SETX: variants seen among roughly 807,000 people sequenced by gnomAD.
SETX encodes senataxin, also known as helicase senataxin.
A neutral mutation model predicts 227.2 loss-of-function variants in SETX; 90 were observed. The observed-to-expected ratio is 0.40, with a 90% CI of 0.33 to 0.47. The LOEUF is 0.47. Ranked by LOEUF, SETX falls within the 20% of genes least tolerant of loss-of-function variation. The pLI is 0.91. For missense variants in SETX, 3,052 were observed against 3,181.5 expected, an observed-to-expected ratio of 0.96 and a Z score of 0.98; for synonymous variants, 1,210 against 1,113.2, an observed-to-expected ratio of 1.09 and a Z score of -1.73.
In SETX at chr9:132,269,796, G is replaced by A. The variant is rs1272537768; in HGVS notation, c.7200-94C>T. 23 of 1,231,042 alleles carry A rather than the reference G, an allele frequency of 1.9e-5. No individual in the cohort carries two copies. In the East Asian group the frequency reaches 3.6e-4, roughly 19 times the overall value. 76.3% of individuals were successfully genotyped at this position (1,231,042 alleles called of 1,614,324 possible). ...GACTCTAGAATGACTCAACGTGCCC[G>A]TGTCTGACAGAGGTGGAATCTTGAA... On this transcript the variant is annotated intron_variant, in intron 24 of 25. Transcript: ENST00000224140.
At chr9:132,306,695 T>G (rs1845354449) in intron 11 of SETX, among the ~76,000 whole-genome samples, 1 of 152,218 alleles carries the variant, frequency 6.6e-6, no homozygotes. Context: ...ATACTCTAGT[T>G]CTATCAGTTT....
intron 23 of SETX, among the ~76,000 whole-genome samples, chr9:132,273,164 G>T (rs199971246): frequency 0.074 from 11,030 of 149,372 alleles, 786 homozygotes; most frequent in East Asian, 0.38. Context: ...TATTTAGGTG[G>T]TTTTTTTTTT....
chr9:132,284,835 AC>A (rs1304117317), intron 18 of SETX, among the ~76,000 whole-genome samples: 2 of 148,500 alleles, frequency 1.3e-5, no homozygotes, highest in Non-Finnish European at 3.0e-5. Flanking sequence ...CATACAGGTG[AC>A]TTTTTTTTTT....
rs1290355149 is a variant in SETX at position 132,326,336 on chromosome 9, A to G, written c.5262T>C (p.Asn1754=). The change falls in exon 10 of 26, where the codon AAT becomes AAC. Residue 1754 remains asparagine, a synonymous_variant. Transcript: ENST00000224140. ...AACACATACTTACTGTTTCAAAAGT[A>G]TTCAATACCATCAAAGGGAAAAAAA... is the stretch of plus-strand genomic sequence containing the variant. ...FNVFFPLMVL[N]TFETVAQEWL... is the part of the protein sequence containing the mutation. 1.9e-6 allele frequency: 3 copies of G among 1,606,346 alleles called. No homozygotes were observed. Among genetic ancestry groups the G allele is most frequent in the Non-Finnish European group, 2.6e-6 (3 of 1,174,038 alleles).
intron 11 of SETX, among the ~76,000 whole-genome samples, chr9:132,307,132 G>C (rs763470592): frequency 1.6e-4 from 24 of 152,140 alleles, no homozygotes; most frequent in Non-Finnish European, 3.2e-4. Context: ...GTGAGCACCT[G>C]TAATCCCAGC....
At chr9:132,293,972 C>T (rs1168922154) in intron 15 of SETX, among the ~76,000 whole-genome samples, 4 of 151,980 alleles carry the variant, frequency 2.6e-5, no homozygotes, top group Admixed American at 1.3e-4. Context: ...TGCAGTGAGC[C>T]GAGATCGCGC....
rs1242180690 is a variant in SETX, at chr9:132,338,504, AG to A, written c.499-1990del. ...TTAAAGAGGACTAAATGGACGTGAC[AG>A]CTAAATAAGACCTTTTACCAGCAAT... On this transcript the variant is annotated intron_variant, in intron 5 of 25. Coordinates refer to ENST00000224140, the MANE Select transcript of SETX (RefSeq NM_015046.7). Among the ~76,000 whole-genome samples the A allele has an allele frequency of 7.2e-5, 11 of 152,344 alleles. 1 individual carries two copies. The East Asian group carries it at 2.1e-3, about 29-fold the overall frequency.
chr9:132,349,722 G>A (rs534707725), intron 2 of SETX, among the ~76,000 whole-genome samples: 11 of 152,276 alleles, frequency 7.2e-5, no homozygotes, highest in East Asian at 1.9e-4. Context: ...ACACAGTACC[G>A]ATAGAAAATA....
In SETX at chr9:132,262,014, A is replaced by G. The variant is rs546310258; in HGVS notation, c.*2225T>C. ...TTGGCAAATACTTGTACCAACTGGA[A>G]CGAGTGAAGTTTCAAAAGTAATGTG... On this transcript the variant is annotated 3_prime_UTR_variant, in exon 26 of 26. Coordinates refer to ENST00000224140, the MANE Select transcript of SETX (RefSeq NM_015046.7). 1 of 154,226 alleles carries G rather than the reference A, an allele frequency of 6.5e-6. No individual in the cohort carries two copies. Among genetic ancestry groups the G allele is most frequent in the African/African-American group, 2.4e-5 (1 of 41,654 alleles). 9.6% of individuals were successfully genotyped at this position (154,226 alleles called of 1,614,324 possible).
chr9:132,350,873 T>C (rs898794962), intron 2 of SETX, among the ~76,000 whole-genome samples: 8 of 152,162 alleles, frequency 5.3e-5, no homozygotes, highest in African/African-American at 1.9e-4. Flanking sequence ...AGAAAAAGGA[T>C]AACATGAGTT....
chr9:132,334,775 C>T (rs1167287710), intron 6 of SETX, 48 bp from the exon 7 acceptor site: 3 of 1,601,430 alleles, frequency 1.9e-6, no homozygotes, highest in East Asian at 2.2e-5. Flanking sequence ...TAATACTATA[C>T]TAATGCCTGG....
chr9:132,322,930 T>A (rs1249140883), intron 10 of SETX, among the ~76,000 whole-genome samples: 1 of 151,932 alleles, frequency 6.6e-6, no homozygotes, highest in African/African-American at 2.4e-5. Context: ...AAACTAAAAA[T>A]ACGCTAAAAA....
Position 132,336,360 on chromosome 9 carries a change from C to T in SETX, c.654G>A (p.Lys218=), listed in dbSNP as rs117861188. 6.2e-7 allele frequency: 1 copy of T among 1,614,090 alleles called. No individual in the cohort carries two copies. The highest frequency in any genetic ancestry group is 1.7e-5 in the Admixed American group (1 of 60,016). The change falls in exon 6 of 26, where the codon AAG becomes AAA. Residue 218 remains lysine (K), a synonymous_variant. Coordinates refer to ENST00000224140, the MANE Select transcript of SETX (RefSeq NM_015046.7). The part of the protein sequence containing the change: ...PDIYTSSVLE[K]GKLILLPSHM... ...GTGAGGGCAGAAGAATCAGTTTACCCTTCTCTAGGACAGAAGAAGTATAAA... is the reference window on the plus strand; with the variant it reads ...GTGAGGGCAGAAGAATCAGTTTACCTTTCTCTAGGACAGAAGAAGTATAAA...
At chr9:132,286,937 C>A (rs1241513396) in intron 17 of SETX, among the ~76,000 whole-genome samples, 1 of 152,190 alleles carries the variant, frequency 6.6e-6, no homozygotes, top group East Asian at 1.9e-4. Context: ...GAAAGACTTT[C>A]TCTCCCTCTG....
At chr9:132,305,409 T>TA (rs978215198) in intron 11 of SETX, among the ~76,000 whole-genome samples, 1 of 150,034 alleles carries the variant, frequency 6.7e-6, no homozygotes, top group Non-Finnish European at 1.5e-5. Context: ...AAAAAAAATT[T>TA]AAAAAAAATT....
chr9:132,274,221 G>A lies in SETX; in HGVS notation c.7100+1035C>T, dbSNP rs577389523. ...TTTTGTATCTAGTCATAAAGGATTT[G>A]GATCTGTAGTTTTCTTGTGATACTT... is the stretch of plus-strand genomic sequence containing the variant. On this transcript the variant is annotated intron_variant, in intron 23 of 25. Coordinates refer to ENST00000224140, the MANE Select transcript of SETX (RefSeq NM_015046.7). 8.7e-4 allele frequency among the ~76,000 whole-genome samples: 133 copies of A among 152,054 alleles called. 1 individual carries two copies. The highest frequency in any genetic ancestry group is 1.5e-3 in the Non-Finnish European group (103 of 67,944).
chr9:132,311,712 C>T, intron 11 of SETX, 45 bp downstream of exon 11: 1 of 1,324,644 alleles, frequency 7.5e-7, no homozygotes, highest in Non-Finnish European at 1.1e-6. Context: ...TAGAAATCTC[C>T]AATTATTATA....
chr9:132,343,330 C>G (rs193101251), intron 4 of SETX, among the ~76,000 whole-genome samples: 1 of 151,400 alleles, frequency 6.6e-6, no homozygotes, highest in South Asian at 2.1e-4. Context: ...AAAACAACAA[C>G]AAAAAAAAGA....
Position 132,320,341 on chromosome 9 carries a change from T to C in SETX, c.5274+5983A>G, listed in dbSNP as rs542509803. 8.5e-5 allele frequency among the ~76,000 whole-genome samples: 13 copies of C among 152,092 alleles called. No individual in the cohort carries two copies. In the South Asian group the frequency reaches 2.7e-3, roughly 32 times the overall value. On this transcript the variant is annotated intron_variant, in intron 10 of 25. Transcript: ENST00000224140. ...CTGTAATCCCAGCACTTTGGGAGGC[T>C]GAGGCGAGCAGATCACAAGGTCAGA...
Sources: gnomAD v4.1 joint callset for allele counts (sites outside exome capture counted in the v4.1 genomes callset) on GRCh38, gnomAD v4.1.1 for gene constraint, MANE v1.5 for transcripts, NCBI Gene and HGNC (gene_info 2026-07-23, HGNC 2026-07-21) for gene names.